The following ANK3 variants were observed in gnomAD, a reference collection of about 807,000 sequenced individuals.
ANK3 encodes ankyrin-3.
A neutral mutation model predicts 370.9 loss-of-function variants in ANK3; 57 were observed. The ratio of observed to expected loss-of-function variants is 0.15; its 90% CI spans 0.12 to 0.19. ANK3 has a LOEUF of 0.19. Among genes scored for constraint, ANK3 ranks in the 10% least tolerant of loss-of-function variants. The probability of loss-of-function intolerance (pLI) is 1.00; values close to 1 mark genes in which losing one functional copy is unlikely to be tolerated. For missense variants in ANK3, 4,439 were observed against 5,302.1 expected (o/e 0.84, Z 5.06); for synonymous variants, 1,929 against 1,946.3 (o/e 0.99, Z 0.23).
At chr10:60,041,561 G>A (rs1041741800) in intron 43 of ANK3, among the ~76,000 whole-genome samples, 67 of 152,178 alleles carry the variant, frequency 4.4e-4, no homozygotes, top group African/African-American at 1.6e-3. Context: ...AGGGTTGGCT[G>A]TGAGGATTGC....
At chr10:60,366,913 T>G (rs1415865384) in intron 1 of ANK3, among the ~76,000 whole-genome samples, 1 of 152,166 alleles carries the variant, frequency 6.6e-6, no homozygotes, top group Non-Finnish European at 1.5e-5. Flanking sequence ...ATCCCATCCC[T>G]TTATCCAATG....
rs2083025451 is a variant in ANK3, at chr10:60,072,917, T to C, written c.7964A>G (p.Asp2655Gly). 6.2e-7 allele frequency: 1 copy of C among 1,613,968 alleles called. No homozygotes were observed. ...CTCGGCCTTGGGGAAGCCTTGTCCA[T>C]CAGGGCCATGCTGTCTTGCCTTAAC... ...EWVKARQHGP[D>G]GQGFPKAEEK... Residue 2655 changes from aspartate (D) to glycine (G), a missense_variant, in exon 37 of 44, where the codon GAT becomes GGT. Around this residue, in one of 13 missense-constraint regions of ANK3, gnomAD observed 1,601 missense variants for 1,731.7 expected, o/e 0.92. Coordinates refer to ENST00000280772, the MANE Select transcript of ANK3 (RefSeq NM_020987.5).
intron 43 of ANK3, among the ~76,000 whole-genome samples, chr10:60,032,546 C>A (rs143181198): frequency 1.2e-3 from 178 of 152,154 alleles, no homozygotes; most frequent in African/African-American, 4.2e-3. Context: ...GATGTGTGAT[C>A]ATCACTACTT....
intron 8 of ANK3, among the ~76,000 whole-genome samples, chr10:60,220,342 T>C (rs1217201008): frequency 6.6e-6 from 1 of 152,210 alleles, no homozygotes; most frequent in African/African-American, 2.4e-5. Context: ...ACCCCTCCTC[T>C]CAGCCAAGGG....
intron 2 of ANK3, chr10:60,573,059 A>C (rs2077635405): frequency 1.0e-6 from 1 of 956,446 alleles, no homozygotes; most frequent in Non-Finnish European, 1.2e-6. Context: ...TCCCATACTA[A>C]CACATGTGTT....
At chr10:60,114,106 C>T (rs1039866799) in intron 26 of ANK3, 119 bp downstream of exon 26, 6 of 443,514 alleles carry the variant, frequency 1.4e-5, no homozygotes, top group African/African-American at 4.1e-5. Flanking sequence ...AATGAATATA[C>T]ATTTCATACA....
chr10:60,339,968 C>T (rs1284816499), intron 1 of ANK3, among the ~76,000 whole-genome samples: 4 of 152,196 alleles, frequency 2.6e-5, no homozygotes, highest in Non-Finnish European at 5.9e-5. Flanking sequence ...AGATTGATGC[C>T]TCCCTTGAAA....
At chr10:60,676,179 T>C (rs2079123086) in intron 1 of ANK3, among the ~76,000 whole-genome samples, 1 of 152,186 alleles carries the variant, frequency 6.6e-6, no homozygotes, top group Non-Finnish European at 1.5e-5. Context: ...ATAGTTGATG[T>C]TGCAATTTTT....
intron 1 of ANK3, among the ~76,000 whole-genome samples, chr10:60,342,563 C>A (rs1010655521): frequency 1.3e-5 from 2 of 152,160 alleles, no homozygotes; most frequent in Admixed American, 1.3e-4. Flanking sequence ...TACTTAATTA[C>A]ATCATGGATC....
At chr10:60,065,843 GA>G (rs1373525110) in intron 38 of ANK3, among the ~76,000 whole-genome samples, 2 of 152,102 alleles carry the variant, frequency 1.3e-5, no homozygotes, top group African/African-American at 2.4e-5. Flanking sequence ...GAAGCATTGT[GA>G]ACCACAGTTA....
At chr10:60,728,588 C>T (rs1219975850) in intron 1 of ANK3, among the ~76,000 whole-genome samples, 2 of 152,136 alleles carry the variant, frequency 1.3e-5, no homozygotes, top group South Asian at 2.1e-4. Flanking sequence ...TTTTTTAAAT[C>T]GTAGACTGTT....
chr10:60,601,137 A>G (rs944884371), intron 2 of ANK3, among the ~76,000 whole-genome samples: 2 of 151,386 alleles, frequency 1.3e-5, no homozygotes, highest in Non-Finnish European at 2.9e-5. Flanking sequence ...GCAAAGTTCA[A>G]TGGATGATTA....
intron 38 of ANK3, 50 bp downstream of exon 38, chr10:60,067,885 C>G (rs1345269858): frequency 9.6e-6 from 14 of 1,464,474 alleles, no homozygotes; most frequent in Non-Finnish European, 1.2e-5. Flanking sequence ...GTGAGTAAGA[C>G]AAAGAAATGA....
At chr10:60,595,477 C>T (rs2077975122) in intron 2 of ANK3, among the ~76,000 whole-genome samples, 1 of 152,110 alleles carries the variant, frequency 6.6e-6, no homozygotes, top group African/African-American at 2.4e-5. Flanking sequence ...TTTACTAGTC[C>T]AGATGGCACC....
At chr10:60,699,927 A>G (rs941811084) in intron 1 of ANK3, among the ~76,000 whole-genome samples, 1 of 152,224 alleles carries the variant, frequency 6.6e-6, no homozygotes, top group Non-Finnish European at 1.5e-5. Flanking sequence ...GTCGACTACA[A>G]AATGTACAAA....
chr10:60,472,196 G>A lies in ANK3; in HGVS notation c.96+142990C>T, dbSNP rs149997165. Reference sequence around the variant, plus strand: ...ATGATCTGCAAGCAGACATACATACGTGGTTAAGCACCACTGCAATCCTCT... The same window carrying A: ...ATGATCTGCAAGCAGACATACATACATGGTTAAGCACCACTGCAATCCTCT... On this transcript the variant is annotated intron_variant, in intron 2 of 43. Transcript: ENST00000373827. Among the ~76,000 whole-genome samples the A allele has an allele frequency of 9.2e-5, 14 of 152,218 alleles. No homozygotes were observed. The East Asian group carries it at 1.5e-3, about 17-fold the overall frequency.
At chr10:60,685,396 G>GAA (rs78361999) in intron 1 of ANK3, among the ~76,000 whole-genome samples, 5 of 145,394 alleles carry the variant, frequency 3.4e-5, no homozygotes, top group African/African-American at 1.3e-4. Context: ...TCTAAAGAGT[G>GAA]AAAAAAAAAA....
chr10:60,579,196 G>A (rs1232844046), intron 2 of ANK3, among the ~76,000 whole-genome samples: 1 of 151,626 alleles, frequency 6.6e-6, no homozygotes, highest in Non-Finnish European at 1.5e-5. Flanking sequence ...GTGGTGGCAC[G>A]CACCTGTAGT....
intron 2 of ANK3, among the ~76,000 whole-genome samples, chr10:60,438,501 A>G (rs560188762): frequency 1.2e-4 from 19 of 152,354 alleles, no homozygotes; most frequent in African/African-American, 4.6e-4. Context: ...TAGTTGTTAA[A>G]GCAATAAAAA....
Sources: gnomAD v4.1 joint callset for allele counts (sites outside exome capture counted in the v4.1 genomes callset) on GRCh38, gnomAD v4.1.1 for gene constraint, gnomAD v4.1.1 regional missense constraint, MANE v1.5 for transcripts, NCBI Gene and HGNC (gene_info 2026-07-23, HGNC 2026-07-21) for gene names.